The following ACADM variants were observed in gnomAD, a reference collection of about 807,000 sequenced individuals.
ACADM encodes acyl-CoA dehydrogenase medium chain.
In ACADM, 49 loss-of-function variants were observed where a neutral mutation model predicts 58.9. That is an observed-to-expected ratio of 0.83 (90% CI 0.66 to 1.06). The LOEUF (loss-of-function observed/expected upper bound fraction) is 1.06, where lower values mean the gene tolerates loss of function less well. Ranked by LOEUF, ACADM falls within the 50% of genes least tolerant of loss-of-function variation. The pLI is 0.00. For missense variants in ACADM, 496 were observed against 507.0 expected, an observed-to-expected ratio of 0.98 and a Z score of 0.21; for synonymous variants, 160 against 157.7, an observed-to-expected ratio of 1.01 and a Z score of -0.11.
At chr1:75,729,125 T>C (rs987519463) in intron 2 of ACADM, among the ~76,000 whole-genome samples, 9 of 152,044 alleles carry the variant, frequency 5.9e-5, no homozygotes, top group Non-Finnish European at 1.3e-4. Context: ...TAAAGGCAGC[T>C]GCGATAACTC....
intron 8 of ACADM, among the ~76,000 whole-genome samples, chr1:75,747,154 G>A (rs966817729): frequency 6.6e-6 from 1 of 152,002 alleles, no homozygotes; most frequent in Non-Finnish European, 1.5e-5. Flanking sequence ...TAGCAAACTT[G>A]GCCAAATGTA....
At chr1:75,743,873 T>G in intron 7 of ACADM, 1 of 1,421,446 alleles carries the variant, frequency 7.0e-7, no homozygotes, top group Non-Finnish European at 1.0e-6. Flanking sequence ...ATATCATCAA[T>G]CACTGCGTTT....
At chr1:75,744,605 G>T in intron 7 of ACADM, 1 of 1,148,922 alleles carries the variant, frequency 8.7e-7, no homozygotes, top group Non-Finnish European at 1.3e-6. Flanking sequence ...CTGAAGAAGC[G>T]AACACTGAAG....
chr1:75,744,107 T>G (rs1146579), intron 7 of ACADM: 1 of 1,567,354 alleles, frequency 6.4e-7, no homozygotes, highest in Non-Finnish European at 8.8e-7. Context: ...CATTTTCTCC[T>G]GATGTTCTGA....
At chr1:75,743,675 T>TA in intron 7 of ACADM, 1 of 1,464,884 alleles carries the variant, frequency 6.8e-7, no homozygotes, top group South Asian at 1.1e-5. Context: ...ATGGTGAAGG[T>TA]ACCACCATCC....
chr1:75,743,303 C>T (rs1647688368), intron 7 of ACADM: 4 of 1,172,474 alleles, frequency 3.4e-6, no homozygotes, highest in Middle Eastern at 3.0e-4. Flanking sequence ...TGCTTCCTTG[C>T]TTGAGGCCAA....
At chr1:75,749,132 AT>A (rs957262016) in intron 8 of ACADM, among the ~76,000 whole-genome samples, 1 of 152,264 alleles carries the variant, frequency 6.6e-6, no homozygotes, top group Admixed American at 6.5e-5. Context: ...TGGTTGGCAA[AT>A]TTTTTTGTAA....
intron 10 of ACADM, among the ~76,000 whole-genome samples, chr1:75,756,353 C>T (rs1265000319): frequency 1.3e-5 from 2 of 152,172 alleles, no homozygotes; most frequent in Non-Finnish European, 2.9e-5. Flanking sequence ...AGCAGATAAG[C>T]AACTTCAGCA....
intron 2 of ACADM, among the ~76,000 whole-genome samples, chr1:75,729,597 G>A (rs1005288953): frequency 7.9e-5 from 12 of 151,668 alleles, no homozygotes; most frequent in Non-Finnish European, 1.5e-4. Context: ...AGGATCAAGC[G>A]ATTCTCCTGC....
chr1:75,740,052 G>C lies in ACADM; in HGVS notation c.541G>C (p.Asp181His). The C allele has an allele frequency of 6.2e-7, 1 of 1,612,688 alleles. No homozygotes were observed. Among genetic ancestry groups the C allele is most frequent in the Non-Finnish European group, 8.5e-7 (1 of 1,178,922 alleles). ...AAAGACCAAAGCAGAAAAGAAAGGA[G>C]ATGAGTATATTATTAATGGTCAGAA... ...GIKTKAEKKG[D>H]EYIINGQKMW... Residue 181 changes from aspartate (D) to histidine (H), a missense_variant, in exon 7 of 12, where the codon GAT becomes CAT. Physicochemically the swap from Asp to His is moderately conservative, Grantham distance 81. Transcript: ENST00000370841.
At chr1:75,733,499 C>A in intron 4 of ACADM, 29 bp from the exon 5 acceptor site, 1 of 1,544,434 alleles carries the variant, frequency 6.5e-7, no homozygotes, top group Non-Finnish European at 9.0e-7. Context: ...CTACATATTA[C>A]AATGTGTTGA....
intron 7 of ACADM, among the ~76,000 whole-genome samples, chr1:75,741,646 T>C (rs190633616): frequency 6.6e-6 from 1 of 152,312 alleles, no homozygotes; most frequent in East Asian, 1.9e-4. Flanking sequence ...TCACTGTTCA[T>C]ATAGTAAGGC....
intron 10 of ACADM, among the ~76,000 whole-genome samples, chr1:75,759,948 A>C (rs2788655): frequency 0.62 from 94,193 of 151,146 alleles, 29,457 homozygotes; most frequent in South Asian, 0.74. Flanking sequence ...GGTGTAAGCC[A>C]CTGTGCCCAG....
chr1:75,730,545 T>C (rs1032444708), intron 2 of ACADM, among the ~76,000 whole-genome samples: 2 of 146,002 alleles, frequency 1.4e-5, no homozygotes, highest in African/African-American at 5.0e-5. Flanking sequence ...CATTTTTCCT[T>C]TTTTTTTTTT....
chr1:75,743,219 G>A (rs1647681195), intron 7 of ACADM, among the ~76,000 whole-genome samples: 1 of 152,196 alleles, frequency 6.6e-6, no homozygotes, highest in Admixed American at 6.5e-5. Context: ...GAGGGTATGA[G>A]ACAGGTGCAG....
intron 9 of ACADM, 25 bp from the exon 10 acceptor site, chr1:75,750,426 G>A: frequency 6.4e-7 from 1 of 1,566,128 alleles, no homozygotes; most frequent in Non-Finnish European, 8.7e-7. Context: ...ATGAACTTTT[G>A]CTTTATAATA....
intron 10 of ACADM, among the ~76,000 whole-genome samples, chr1:75,757,104 C>T (rs1648550332): frequency 6.6e-6 from 1 of 152,008 alleles, no homozygotes; most frequent in South Asian, 2.1e-4. Context: ...CCATAAGAAC[C>T]CTAGAAGAAA....
intron 10 of ACADM, among the ~76,000 whole-genome samples, chr1:75,752,792 T>G (rs895095094): frequency 2.0e-5 from 3 of 152,232 alleles, no homozygotes; most frequent in Admixed American, 2.0e-4. Context: ...CTTCTAACTC[T>G]TTTATGGTCA....
chr1:75,747,206 C>CTT (rs143191741), intron 8 of ACADM, among the ~76,000 whole-genome samples: 2 of 151,848 alleles, frequency 1.3e-5, no homozygotes, highest in African/African-American at 2.4e-5. Context: ...ACAGCTTATA[C>CTT]TTTTTTTAGT....
Sources: gnomAD v4.1 joint callset for allele counts (sites outside exome capture counted in the v4.1 genomes callset) on GRCh38, gnomAD v4.1.1 for gene constraint, MANE v1.5 for transcripts, NCBI Gene and HGNC (gene_info 2026-07-23, HGNC 2026-07-21) for gene names.